Variants in RNF8 observed in about 807,000 individuals in gnomAD.
RNF8 encodes the protein E3 ubiquitin-protein ligase RNF8.
Under a neutral mutation model 59.3 loss-of-function variants are expected in RNF8, and 8 were observed. The ratio of observed to expected loss-of-function variants is 0.13; its 90% CI spans 0.08 to 0.24. The LOEUF (loss-of-function observed/expected upper bound fraction) is 0.24, where lower values mean the gene tolerates loss of function less well. RNF8 is among the 10% of genes least tolerant of loss of function. The probability of loss-of-function intolerance (pLI) is 1.00; values close to 1 mark genes in which losing one functional copy is unlikely to be tolerated. For synonymous variants in RNF8, 162 were observed against 200.0 expected, an observed-to-expected ratio of 0.81 and a Z score of 1.60; for missense variants, 406 against 572.6, an observed-to-expected ratio of 0.71 and a Z score of 2.97.
At chr6:37,367,937 A>G (rs1769631388) in intron 2 of RNF8, among the ~76,000 whole-genome samples, 2 of 152,134 alleles carry the variant, frequency 1.3e-5, no homozygotes, top group Non-Finnish European at 2.9e-5. Flanking sequence ...TATTGCCCAT[A>G]TACCCCTGTT....
At position 37,392,447 on chromosome 6, in the gene RNF8, A is replaced by G. The variant is rs934373051; in HGVS notation, c.*1689A>G. On this transcript the variant is annotated 3_prime_UTR_variant, in exon 8 of 8. Transcript: ENST00000373479. ...GAAATGCCTCTCACCCTTTCCCCAC[A>G]GCGACTACTTCCCACTCAGAGGCAA... 2.5e-6 allele frequency: 1 copy of G among 398,624 alleles called. No homozygotes were observed. The highest frequency in any genetic ancestry group is 4.4e-6 in the Non-Finnish European group (1 of 226,060). The allele number at this position is 398,624 out of a possible 1,614,324, so 24.7% of individuals were successfully genotyped here.
chr6:37,369,323 G>A (rs1393381516), intron 3 of RNF8, 105 bp downstream of exon 3: 2 of 1,323,748 alleles, frequency 1.5e-6, no homozygotes, highest in East Asian at 2.5e-5. Context: ...ACCAAATTCT[G>A]AGCACCAAAG....
intron 7 of RNF8, among the ~76,000 whole-genome samples, chr6:37,390,201 A>G (rs1021322682): frequency 6.6e-6 from 1 of 152,266 alleles, no homozygotes; most frequent in Admixed American, 6.5e-5. Flanking sequence ...GCACTGTTCT[A>G]GATGCTGAGA....
intron 6 of RNF8, among the ~76,000 whole-genome samples, chr6:37,380,055 A>G (rs1007827665): frequency 6.6e-6 from 1 of 151,680 alleles, no homozygotes; most frequent in African/African-American, 2.4e-5. Context: ...CTGGGACCAC[A>G]GACTGTGCCA....
chr6:37,371,449 G>T, intron 3 of RNF8, 63 bp from the exon 4 acceptor site: 1 of 1,429,002 alleles, frequency 7.0e-7, no homozygotes, highest in South Asian at 1.2e-5. Flanking sequence ...GCTTGTTGCT[G>T]GATTGTGTTC....
intron 7 of RNF8, among the ~76,000 whole-genome samples, chr6:37,386,329 C>T (rs1209880129): frequency 6.6e-6 from 1 of 152,138 alleles, no homozygotes; most frequent in Non-Finnish European, 1.5e-5. Flanking sequence ...CTTGTGATTT[C>T]CGAATGGTCC....
chr6:37,367,867 G>T (rs1271591580), intron 2 of RNF8, among the ~76,000 whole-genome samples: 1 of 152,176 alleles, frequency 6.6e-6, no homozygotes, highest in African/African-American at 2.4e-5. Context: ...ATTGCCAAAT[G>T]CTATGCAGAC....
rs368729470 is a variant in RNF8 at position 37,354,189 on chromosome 6, A to T, written c.25A>T (p.Thr9Ser). Residue 9 changes from threonine (T) to serine (S), a missense_variant, in exon 1 of 8, where the codon ACA becomes TCA. Physicochemically the swap from Thr to Ser is moderately conservative, Grantham distance 58 (BLOSUM62 1). Around this residue, in one of 3 missense-constraint regions of RNF8, gnomAD observed 62 missense variants for 112.2 expected, o/e 0.55. Coordinates refer to ENST00000373479, the MANE Select transcript of RNF8 (RefSeq NM_003958.4). The stretch of plus-strand genomic sequence containing the variant: ...GATGGGGGAGCCCGGCTTCTTCGTC[A>T]CAGGAGACCGCGCCGGTGGCCGGAG... MGEPGFFV[T>S]GDRAGGRSWC... is the part of the protein sequence containing the mutation. 2.1e-5 allele frequency: 33 copies of T among 1,583,152 alleles called. 1 individual carries two copies. The highest frequency in any genetic ancestry group is 1.3e-4 in the South Asian group (11 of 86,620).
At position 37,392,965 on chromosome 6, in the gene RNF8, T is replaced by C; in HGVS notation, c.*2207T>C. ...CATTGCACCTGGCCAAGAAGAGACA[T>C]CTTGACTTGAGCCTGAAGACTATGT... On this transcript the variant is annotated 3_prime_UTR_variant, in exon 8 of 8. Transcript: ENST00000373479. 4.6e-6 allele frequency: 1 copy of C among 217,622 alleles called. No homozygotes were observed. 13.5% of individuals were successfully genotyped at this position (217,622 alleles called of 1,614,324 possible).
At chr6:37,374,809 T>C in intron 5 of RNF8, 100 bp downstream of exon 5, 1 of 799,368 alleles carries the variant, frequency 1.3e-6, no homozygotes. Context: ...AGAGAAATTA[T>C]GGCTGCTCCT....
In RNF8 at chr6:37,376,934, G is replaced by T. The variant is rs1223921930; in HGVS notation, c.1137G>T (p.Lys379Asn). ...NKELEQTKEE[K>N]EKMQAQKEEV... ...GATTGTGTGTCTTGCAGGAAGAGAAGGAGAAGATGCAAGCACAGAAGGAAG... is the reference window on the plus strand; with the variant it reads ...GATTGTGTGTCTTGCAGGAAGAGAATGAGAAGATGCAAGCACAGAAGGAAG... Residue 379 changes from lysine to asparagine, a missense_variant, in exon 6 of 8, where the codon AAG (lysine) becomes AAT (asparagine). Transcript: ENST00000373479. 6.2e-7 allele frequency: 1 copy of T among 1,611,654 alleles called. No individual in the cohort carries two copies. The highest frequency in any genetic ancestry group is 8.5e-7 in the Non-Finnish European group (1 of 1,177,900).
chr6:37,381,012 A>G (rs1770238517), intron 6 of RNF8, 138 bp from the exon 7 acceptor site: 3 of 756,626 alleles, frequency 4.0e-6, no homozygotes, highest in Admixed American at 4.2e-5. Flanking sequence ...GATACTCTTT[A>G]TAAGCCCTTA....
chr6:37,376,343 T>C (rs1220682098), intron 5 of RNF8, among the ~76,000 whole-genome samples: 1 of 152,138 alleles, frequency 6.6e-6, no homozygotes, highest in Admixed American at 6.6e-5. Flanking sequence ...GAAAAAGTGG[T>C]GTTTTAGTCC....
At chr6:37,373,615 C>T (rs7752341) in intron 4 of RNF8, among the ~76,000 whole-genome samples, 1,826 of 152,178 alleles carry the variant, frequency 0.012, 45 homozygotes, top group African/African-American at 0.041. Context: ...ACCATGTTGC[C>T]GAGGCTGGTC....
chr6:37,363,630 T>C (rs1289890727), intron 2 of RNF8, among the ~76,000 whole-genome samples: 1 of 152,196 alleles, frequency 6.6e-6, no homozygotes, highest in Non-Finnish European at 1.5e-5. Context: ...GGTAAGGATA[T>C]GGAGTGATAG....
chr6:37,389,578 G>A (rs1347030741), intron 7 of RNF8, among the ~76,000 whole-genome samples: 1 of 152,100 alleles, frequency 6.6e-6, no homozygotes, highest in Non-Finnish European at 1.5e-5. Context: ...GGAAAGCCAA[G>A]ATAGCAGGTA....
rs1031646501 is a variant in RNF8 at position 37,354,054 on chromosome 6, G to T, written c.-111G>T. 4.3e-5 allele frequency: 39 copies of T among 910,890 alleles called. No individual in the cohort carries two copies. The highest frequency in any genetic ancestry group is 2.0e-4 in the African/African-American group (12 of 59,898). 56.4% of individuals were successfully genotyped at this position (910,890 alleles called of 1,614,324 possible). On this transcript the variant is annotated 5_prime_UTR_variant, in exon 1 of 8. Transcript: ENST00000373479. Reference sequence around the variant, plus strand: ...TTCGCAGCGATCGCGAGCGTGTGGCGATTGCTTCTGTCTGTTATTTAGATA... The same window carrying T: ...TTCGCAGCGATCGCGAGCGTGTGGCTATTGCTTCTGTCTGTTATTTAGATA...
At position 37,360,701 on chromosome 6, in the gene RNF8, C is replaced by T. The variant is rs892324322; in HGVS notation, c.240+127C>T. ...TTCTTCTTTCCTAGCCATCCAGTTCCCTTTTCCAGAGGCAGCCACTTCCAT... is the reference window on the plus strand; with the variant it reads ...TTCTTCTTTCCTAGCCATCCAGTTCTCTTTTCCAGAGGCAGCCACTTCCAT... On this transcript the variant is annotated intron_variant, in intron 2 of 7. Transcript: ENST00000373479. The surrounding 1 kb of genome is among the most constrained non-coding windows in gnomAD (Gnocchi z 4.2). The T allele has an allele frequency of 1.1e-6, 1 of 945,756 alleles. No individual in the cohort carries two copies. The highest frequency in any genetic ancestry group is 1.5e-6 in the Non-Finnish European group (1 of 662,672). The allele number at this position is 945,756 out of a possible 1,614,324, so 58.6% of individuals were successfully genotyped here.
At chr6:37,390,098 A>G (rs1434667437) in intron 7 of RNF8, among the ~76,000 whole-genome samples, 1 of 152,238 alleles carries the variant, frequency 6.6e-6, no homozygotes, top group Non-Finnish European at 1.5e-5. Context: ...GAACACAGGA[A>G]GAATTCCCGC....
Sources: gnomAD v4.1 joint callset for allele counts (sites outside exome capture counted in the v4.1 genomes callset) on GRCh38, gnomAD v4.1.1 for gene constraint, gnomAD v4.1.1 regional missense constraint, Gnocchi (gnomAD v3.1) non-coding constraint, MANE v1.5 for transcripts, NCBI Gene and HGNC (gene_info 2026-07-23, HGNC 2026-07-21) for gene names.